The following TMEM65 variants were observed in gnomAD, a reference collection of about 807,000 sequenced individuals.
TMEM65 encodes the protein transmembrane protein 65.
In TMEM65, 22 loss-of-function variants were observed where a neutral mutation model predicts 25.4. The ratio of observed to expected loss-of-function variants is 0.86; its 90% CI spans 0.62 to 1.23. TMEM65 has a LOEUF of 1.23. TMEM65 is among the 50% of genes most tolerant of loss of function. TMEM65 has a pLI of 0.00. For synonymous variants in TMEM65, 132 were observed against 126.2 expected, an observed-to-expected ratio of 1.05 and a Z score of -0.31; for missense variants, 262 against 308.2, an observed-to-expected ratio of 0.85 and a Z score of 1.12.
intron 6 of TMEM65, among the ~76,000 whole-genome samples, chr8:124,316,109 T>C (rs1338117628): frequency 6.6e-6 from 1 of 152,200 alleles, no homozygotes; most frequent in Non-Finnish European, 1.5e-5. Flanking sequence ...AGAGATATAA[T>C]GTCAATAGGG....
rs1420147148 is a variant in TMEM65 at position 124,372,326 on chromosome 8, T to C, written c.-169A>G. On this transcript the variant is annotated 5_prime_UTR_variant, in exon 1 of 7. Transcript: ENST00000297632. ...GCGGGCCCGCGCGGCTCTCGCCTCC[T>C]GTTCCGTCCCCACTTCCTTTCCAAA... 6 of 443,548 alleles carry C rather than the reference T, an allele frequency of 1.4e-5. No homozygotes were observed. In the Admixed American group the frequency reaches 2.4e-4, roughly 18 times the overall value. The allele number at this position is 443,548 out of a possible 1,614,324, so 27.5% of individuals were successfully genotyped here.
chr8:124,372,213 G>T lies in TMEM65; in HGVS notation c.-56C>A. 2 of 1,240,658 alleles carry T rather than the reference G, an allele frequency of 1.6e-6. No individual in the cohort carries two copies. The highest frequency in any genetic ancestry group is 2.0e-6 in the Non-Finnish European group (2 of 984,530). The allele number at this position is 1,240,658 out of a possible 1,614,324, so 76.9% of individuals were successfully genotyped here. On this transcript the variant is annotated 5_prime_UTR_variant, in exon 1 of 7. Coordinates refer to ENST00000297632, the MANE Select transcript of TMEM65 (RefSeq NM_194291.3). The stretch of plus-strand genomic sequence containing the variant: ...CGTCCGGCAAGGCGGTTTCTGGCGC[G>T]GCTGAGGCGAGAAGGAGCTGGGCTC...
intron 1 of TMEM65, among the ~76,000 whole-genome samples, chr8:124,338,590 A>T (rs1339289819): frequency 6.6e-6 from 1 of 152,180 alleles, no homozygotes; most frequent in Non-Finnish European, 1.5e-5. Flanking sequence ...CAACAATTTC[A>T]AACTTATTTT....
chr8:124,320,142 G>A lies in TMEM65; in HGVS notation c.565C>T (p.Pro189Ser). 6.2e-7 allele frequency: 1 copy of A among 1,613,368 alleles called. No individual in the cohort carries two copies. Among genetic ancestry groups the A allele is most frequent in the Non-Finnish European group, 8.5e-7 (1 of 1,179,498 alleles). The change falls in exon 6 of 7, where the codon CCT (proline) becomes TCT (serine). Residue 189 changes from proline (P) to serine (S), a missense_variant. Transcript: ENST00000297632. Reference sequence around the variant, plus strand: ...TCAACTTGCTTTGGTGTGAGATCAGGAATTGACAGGCCTAACCTGGAAGCC... The same window carrying A: ...TCAACTTGCTTTGGTGTGAGATCAGAAATTGACAGGCCTAACCTGGAAGCC... ...ALASRLGLSI[P>S]DLTPKQVDMW... is the part of the protein sequence containing the mutation.
chr8:124,362,371 GA>G (rs1196376418), intron 1 of TMEM65, among the ~76,000 whole-genome samples: 1 of 151,032 alleles, frequency 6.6e-6, no homozygotes, highest in Non-Finnish European at 1.5e-5. Flanking sequence ...AAAGAGAATA[GA>G]AAAAATTGGC....
chr8:124,340,358 A>ATACACTTT (rs2131212293), intron 1 of TMEM65, among the ~76,000 whole-genome samples: 1 of 152,312 alleles, frequency 6.6e-6, no homozygotes, highest in East Asian at 1.9e-4. Flanking sequence ...AGTGTATAAG[A>ATACACTTT]ATGCTATCTA....
intron 1 of TMEM65, among the ~76,000 whole-genome samples, chr8:124,366,308 A>G (rs757440571): frequency 2.0e-5 from 3 of 152,218 alleles, no homozygotes; most frequent in Non-Finnish European, 4.4e-5. Flanking sequence ...TGACCTAAGT[A>G]TTACAACCAT....
intron 2 of TMEM65, among the ~76,000 whole-genome samples, chr8:124,327,655 G>A (rs1050728774): frequency 6.9e-6 from 1 of 145,138 alleles, no homozygotes; most frequent in Admixed American, 7.2e-5. Context: ...TTAGACTTTT[G>A]TGTTTTCTTA....
chr8:124,330,763 C>G lies in TMEM65; in HGVS notation c.334G>C (p.Gly112Arg), dbSNP rs142022854. Residue 112 changes from glycine to arginine, a missense_variant, in exon 2 of 7, where the codon GGA (glycine) becomes CGA (arginine). Coordinates refer to ENST00000297632, the MANE Select transcript of TMEM65 (RefSeq NM_194291.3). ...EKLEAPPPTPGQLRYVFIHNA... is the reference protein window; with the variant it reads ...EKLEAPPPTPRQLRYVFIHNA... Reference sequence around the variant, plus strand: ...GAACCATTACCATATCTCAGCTGTCCTGGGGTGGGTGGTGGAGCTTCCAAT... The same window carrying G: ...GAACCATTACCATATCTCAGCTGTCGTGGGGTGGGTGGTGGAGCTTCCAAT... 1.4e-4 allele frequency: 215 copies of G among 1,586,536 alleles called. 1 individual carries two copies. The highest frequency in any genetic ancestry group is 1.1e-4 in the Admixed American group (6 of 54,354).
chr8:124,364,217 T>C (rs973917848), intron 1 of TMEM65, among the ~76,000 whole-genome samples: 6 of 152,130 alleles, frequency 3.9e-5, no homozygotes, highest in Middle Eastern at 3.4e-3. Context: ...TTAAACACAA[T>C]GGAAGAGTGA....
At chr8:124,327,997 C>G (rs895050706) in intron 2 of TMEM65, among the ~76,000 whole-genome samples, 1 of 152,106 alleles carries the variant, frequency 6.6e-6, no homozygotes, top group Admixed American at 6.6e-5. Flanking sequence ...CATCAATATT[C>G]CCAAATGCTA....
chr8:124,352,375 CA>C (rs1814721414), intron 1 of TMEM65, among the ~76,000 whole-genome samples: 1 of 151,862 alleles, frequency 6.6e-6, no homozygotes, highest in Non-Finnish European at 1.5e-5. Context: ...ATTTAATATA[CA>C]TTTTTTTCTG....
At chr8:124,365,392 C>A (rs1350085708) in intron 1 of TMEM65, among the ~76,000 whole-genome samples, 1 of 152,142 alleles carries the variant, frequency 6.6e-6, no homozygotes, top group Non-Finnish European at 1.5e-5. Flanking sequence ...ACCTTTCTGT[C>A]CTCCTTTTAA....
chr8:124,357,681 T>A (rs1192296355), intron 1 of TMEM65, among the ~76,000 whole-genome samples: 3 of 152,126 alleles, frequency 2.0e-5, no homozygotes, highest in African/African-American at 7.2e-5. Flanking sequence ...GTTTAAAAAT[T>A]AAACTTTTAT....
intron 1 of TMEM65, among the ~76,000 whole-genome samples, chr8:124,341,076 C>T (rs1221599986): frequency 6.6e-6 from 1 of 151,480 alleles, no homozygotes; most frequent in Non-Finnish European, 1.5e-5. Flanking sequence ...GTTCAGAATT[C>T]TAATTAATAT....
At chr8:124,349,719 C>T (rs1020335288) in intron 1 of TMEM65, among the ~76,000 whole-genome samples, 1 of 152,092 alleles carries the variant, frequency 6.6e-6, no homozygotes, top group Non-Finnish European at 1.5e-5. Context: ...ACCACCTAAA[C>T]ATTCATAAAG....
chr8:124,348,507 T>C (rs1814667906), intron 1 of TMEM65, among the ~76,000 whole-genome samples: 1 of 152,128 alleles, frequency 6.6e-6, no homozygotes, highest in African/African-American at 2.4e-5. Context: ...TCTTGTTGCT[T>C]TTACTTATTA....
intron 1 of TMEM65, chr8:124,351,117 T>G: frequency 1.0e-6 from 1 of 984,722 alleles, no homozygotes; most frequent in Non-Finnish European, 1.2e-6. Flanking sequence ...GATATCTGCA[T>G]GCTAAAAGAT....
chr8:124,335,198 C>T (rs369413008), intron 1 of TMEM65, among the ~76,000 whole-genome samples: 1 of 151,948 alleles, frequency 6.6e-6, no homozygotes, highest in African/African-American at 2.4e-5. Context: ...ATTAAACACA[C>T]AAAAAAATAA....
Sources: allele counts gnomAD v4.1 joint callset (sites outside exome capture counted in the v4.1 genomes callset), GRCh38; gene constraint gnomAD v4.1.1; transcripts MANE v1.5; gene names NCBI Gene and HGNC (gene_info 2026-07-23, HGNC 2026-07-21).